The following PITPNC1 variants were observed in gnomAD, a reference collection of about 807,000 sequenced individuals.
The protein encoded by PITPNC1 is phosphatidylinositol transfer protein cytoplasmic 1.
A neutral mutation model predicts 44.7 loss-of-function variants in PITPNC1; 18 were observed. That is an observed-to-expected ratio of 0.40 (90% CI 0.28 to 0.60). PITPNC1 has a LOEUF of 0.60. Ranked by LOEUF, PITPNC1 falls within the 20% of genes least tolerant of loss-of-function variation. The probability of loss-of-function intolerance (pLI) is 0.39; values close to 1 mark genes in which losing one functional copy is unlikely to be tolerated. For synonymous variants in PITPNC1, 141 were observed against 149.6 expected (o/e 0.94, Z 0.42); for missense variants, 290 against 418.4 (o/e 0.69, Z 2.68).
chr17:67,523,764 T>C (rs995349905), intron 1 of PITPNC1, among the ~76,000 whole-genome samples: 7 of 151,470 alleles, frequency 4.6e-5, no homozygotes, highest in Non-Finnish European at 1.0e-4. Flanking sequence ...GCAACCCTAA[T>C]TACTAGTGCT....
At chr17:67,613,988 A>C (rs886126550) in intron 5 of PITPNC1, among the ~76,000 whole-genome samples, 3 of 144,038 alleles carry the variant, frequency 2.1e-5, no homozygotes, top group Non-Finnish European at 3.0e-5. Context: ...CAGGAGACCG[A>C]GGTGGGAGGA....
At chr17:67,664,301 T>C (rs544790999) in intron 6 of PITPNC1, among the ~76,000 whole-genome samples, 1 of 152,306 alleles carries the variant, frequency 6.6e-6, no homozygotes, top group South Asian at 2.1e-4. Flanking sequence ...TTTCACTGTA[T>C]GGATATACCA....
At chr17:67,455,567 G>T (rs1162172316) in intron 1 of PITPNC1, among the ~76,000 whole-genome samples, 1 of 151,846 alleles carries the variant, frequency 6.6e-6, no homozygotes, top group Non-Finnish European at 1.5e-5. Context: ...TTACAGGTGC[G>T]CACCACCATG....
At chr17:67,507,370 G>A (rs2916147) in intron 1 of PITPNC1, among the ~76,000 whole-genome samples, 3 of 152,068 alleles carry the variant, frequency 2.0e-5, no homozygotes, top group African/African-American at 7.2e-5. Context: ...ATCATTAAAG[G>A]TTTCAGATTT....
At chr17:67,509,106 C>T (rs1296707914) in intron 1 of PITPNC1, among the ~76,000 whole-genome samples, 3 of 151,508 alleles carry the variant, frequency 2.0e-5, no homozygotes, top group South Asian at 4.2e-4. Context: ...TGGTGGTGCA[C>T]GCCTGTAATC....
rs139020489 is a variant in PITPNC1, at chr17:67,558,873, A to G, written c.294+5256A>G. On this transcript the variant is annotated intron_variant, in intron 4 of 8. Coordinates refer to ENST00000581322, the MANE Select transcript of PITPNC1 (RefSeq NM_012417.4). ...GAACCTCAAATCGTATTGAGCCACTATGAGAGAGAGATTACTCAGGGCTGG... is the reference window on the plus strand; with the variant it reads ...GAACCTCAAATCGTATTGAGCCACTGTGAGAGAGAGATTACTCAGGGCTGG... 6.1e-3 allele frequency among the ~76,000 whole-genome samples: 934 copies of G among 152,300 alleles called. 11 individuals carry two copies. Among genetic ancestry groups the G allele is most frequent in the African/African-American group, 0.021 (886 of 41,570 alleles).
At chr17:67,636,591 T>C (rs1336516172) in intron 6 of PITPNC1, among the ~76,000 whole-genome samples, 1 of 152,160 alleles carries the variant, frequency 6.6e-6, no homozygotes, top group African/African-American at 2.4e-5. Context: ...CAAAGGGCTA[T>C]AGGTACCACT....
chr17:67,398,725 T>G (rs2038259319), intron 1 of PITPNC1, among the ~76,000 whole-genome samples: 1 of 152,024 alleles, frequency 6.6e-6, no homozygotes, highest in African/African-American at 2.4e-5. Flanking sequence ...GTGCTTTGGA[T>G]TTTCTTCTCA....
chr17:67,663,295 C>A (rs74377566), intron 6 of PITPNC1, among the ~76,000 whole-genome samples: 2 of 152,010 alleles, frequency 1.3e-5, no homozygotes, highest in Admixed American at 1.3e-4. Context: ...GTAGGCCGGG[C>A]GCGGTGGCTC....
chr17:67,485,171 T>C (rs1456300967), intron 1 of PITPNC1, among the ~76,000 whole-genome samples: 1 of 152,026 alleles, frequency 6.6e-6, no homozygotes, highest in Non-Finnish European at 1.5e-5. Context: ...ACTGTCTTCA[T>C]ATACGTATGT....
intron 5 of PITPNC1, among the ~76,000 whole-genome samples, chr17:67,587,206 G>A (rs2041329796): frequency 6.6e-6 from 1 of 152,048 alleles, no homozygotes; most frequent in East Asian, 1.9e-4. Context: ...TTGGATATTG[G>A]CCAGGTGTTG....
intron 8 of PITPNC1, chr17:67,687,058 TC>T: frequency 6.5e-7 from 1 of 1,534,360 alleles, no homozygotes; most frequent in South Asian, 1.1e-5. Flanking sequence ...CATCTTGACC[TC>T]TTTCAGATAT....
chr17:67,607,641 T>A (rs565596477), intron 5 of PITPNC1, among the ~76,000 whole-genome samples: 14 of 152,240 alleles, frequency 9.2e-5, no homozygotes, highest in Non-Finnish European at 1.8e-4. Flanking sequence ...TCTCTTCCTC[T>A]CCATACATAT....
chr17:67,582,950 T>C (rs2041255263), intron 5 of PITPNC1, among the ~76,000 whole-genome samples: 1 of 152,216 alleles, frequency 6.6e-6, no homozygotes, highest in Non-Finnish European at 1.5e-5. Context: ...GCAGCCTTGC[T>C]ACTTTACTTC....
intron 1 of PITPNC1, among the ~76,000 whole-genome samples, chr17:67,494,217 T>TCTTTCTTTCTTTCTTTCTTTCTTTC (rs1568012991): frequency 8.6e-4 from 27 of 31,362 alleles, no homozygotes; most frequent in African/African-American, 3.5e-3. Flanking sequence ...TTCTTTCTTT[T>TCTTTCTTTCTTTCTTTCTTTCTTTC]TGAGACGTAG....
intron 5 of PITPNC1, among the ~76,000 whole-genome samples, chr17:67,628,774 T>C (rs1332160462): frequency 1.3e-5 from 2 of 152,126 alleles, no homozygotes; most frequent in African/African-American, 4.8e-5. Flanking sequence ...AAGTGGTTAC[T>C]GGGCCCAGGC....
chr17:67,514,640 C>T (rs1598764753), intron 1 of PITPNC1, among the ~76,000 whole-genome samples: 1 of 151,764 alleles, frequency 6.6e-6, no homozygotes, highest in East Asian at 2.0e-4. Context: ...GCCTGGCCAA[C>T]ATGGTGAAAC....
At chr17:67,593,489 C>T (rs953893996) in intron 5 of PITPNC1, among the ~76,000 whole-genome samples, 2 of 151,986 alleles carry the variant, frequency 1.3e-5, no homozygotes, top group Admixed American at 1.3e-4. Context: ...ACCTCTGCCT[C>T]CAGGGTTCAA....
At chr17:67,665,445 C>G (rs2042408591) in intron 6 of PITPNC1, among the ~76,000 whole-genome samples, 2 of 152,074 alleles carry the variant, frequency 1.3e-5, no homozygotes. Flanking sequence ...GGGCAGATAT[C>G]TAGGAGTGAA....
Sources: gnomAD v4.1 joint callset for allele counts (sites outside exome capture counted in the v4.1 genomes callset) on GRCh38, gnomAD v4.1.1 for gene constraint, MANE v1.5 for transcripts, NCBI Gene and HGNC (gene_info 2026-07-23, HGNC 2026-07-21) for gene names.